The following EIF5B variants were observed in gnomAD, a reference collection of about 807,000 sequenced individuals.
The protein encoded by EIF5B is eukaryotic translation initiation factor 5B.
A neutral mutation model predicts 147.5 loss-of-function variants in EIF5B; 47 were observed. That is an observed-to-expected ratio of 0.32 (90% CI 0.25 to 0.41). The LOEUF (loss-of-function observed/expected upper bound fraction) is 0.41. Among genes scored for constraint, EIF5B ranks in the 10% least tolerant of loss-of-function variants. The pLI is 1.00. For synonymous variants in EIF5B, 455 were observed against 456.2 expected, an observed-to-expected ratio of 1.00 and a Z score of 0.03; for missense variants, 1,064 against 1,413.2, an observed-to-expected ratio of 0.75 and a Z score of 3.96.
At chr2:99,362,750 G>A (rs1226117991) in intron 4 of EIF5B, among the ~76,000 whole-genome samples, 4 of 151,938 alleles carry the variant, frequency 2.6e-5, no homozygotes, top group Admixed American at 2.6e-4. Flanking sequence ...ACTTTTAATG[G>A]GAAAATTGAC....
At chr2:99,338,887 CCTG>C (rs1204680316) in intron 1 of EIF5B, among the ~76,000 whole-genome samples, 1 of 148,902 alleles carries the variant, frequency 6.7e-6, no homozygotes, top group Admixed American at 6.8e-5. Flanking sequence ...TAGCACATGA[CCTG>C]CTTGGTTTCA....
chr2:99,358,234 T>C (rs1674135338), intron 1 of EIF5B, among the ~76,000 whole-genome samples: 1 of 152,072 alleles, frequency 6.6e-6, no homozygotes, highest in African/African-American at 2.4e-5. Flanking sequence ...GCCTGGCTAA[T>C]TTTTTTATAT....
intron 12 of EIF5B, 31 bp downstream of exon 12, chr2:99,379,459 C>G (rs535614578): frequency 5.2e-6 from 8 of 1,533,938 alleles, no homozygotes; most frequent in African/African-American, 1.4e-5. Context: ...GTATTTTAAT[C>G]TCTGACAAAA....
chr2:99,379,150 A>G (rs145805034), intron 11 of EIF5B, 24 bp downstream of exon 11: 21,924 of 1,559,506 alleles, frequency 0.014, 188 homozygotes, highest in Non-Finnish European at 0.016. Flanking sequence ...AAATGTATTG[A>G]TAGAACTTTG....
rs781728919 is a variant in EIF5B, at chr2:99,396,793, C to A, written c.3288C>A (p.Ile1096=). Residue 1096 remains isoleucine (I), a synonymous_variant, in exon 22 of 24, where the codon ATC becomes ATA. Coordinates refer to ENST00000289371, the MANE Select transcript of EIF5B (RefSeq NM_015904.4). The stretch of plus-strand genomic sequence containing the variant: ...CAGTATTTCCCTGCAAGATAAAAAT[C>A]CTCCCTCAGTACATTTTTAATTCTC... ...HIAVFPCKIK[I]LPQYIFNSRD... is the part of the protein sequence containing the mutation. The A allele has an allele frequency of 6.2e-7, 1 of 1,609,890 alleles. No homozygotes were observed. Among genetic ancestry groups the A allele is most frequent in the African/African-American group, 1.3e-5 (1 of 74,676 alleles).
chr2:99,389,250 T>C (rs1674873309), intron 14 of EIF5B, among the ~76,000 whole-genome samples: 1 of 152,226 alleles, frequency 6.6e-6, no homozygotes, highest in Admixed American at 6.5e-5. Flanking sequence ...TGAGGGAAAA[T>C]AGATTCTGTC....
In EIF5B at chr2:99,361,521, A is replaced by G. The variant is rs983627958; in HGVS notation, c.620A>G (p.Lys207Arg). The G allele has an allele frequency of 6.2e-7, 1 of 1,614,088 alleles. No individual in the cohort carries two copies. The highest frequency in any genetic ancestry group is 8.5e-7 in the Non-Finnish European group (1 of 1,180,002). The part of the protein sequence containing the change: ...RKGQKKNQKN[K>R]PGPNIESGNE... ...GGACAGAAAAAAAATCAGAAAAACA[A>G]GCCAGGTCCTAACATAGAAAGTGGG... Residue 207 changes from lysine (K) to arginine (R), a missense_variant, in exon 4 of 24, where the codon AAG becomes AGG. Physicochemically the swap from Lys to Arg is conservative, Grantham distance 26. Transcript: ENST00000289371.
chr2:99,392,942 G>T lies in EIF5B; in HGVS notation c.2749-25G>T, dbSNP rs201872752. 3.5e-5 allele frequency: 49 copies of T among 1,409,500 alleles called. 1 individual carries two copies. In the South Asian group the frequency reaches 8.5e-4, roughly 25 times the overall value. 87.3% of individuals were successfully genotyped at this position (1,409,500 alleles called of 1,614,324 possible). On this transcript the variant is annotated intron_variant, in intron 17 of 23. Coordinates refer to ENST00000289371, the MANE Select transcript of EIF5B (RefSeq NM_015904.4). ...GCTAACCACTTTTAAAGTACATTTG[G>T]TAACAAATGTTTTTATCTCTGTAGA...
Position 99,394,714 on chromosome 2 carries a change from T to C in EIF5B, c.3090-5T>C. The C allele has an allele frequency of 1.2e-6, 2 of 1,611,476 alleles. No homozygotes were observed. The highest frequency in any genetic ancestry group is 2.2e-5 in the South Asian group (2 of 90,372). On this transcript the variant is annotated splice_polypyrimidine_tract_variant and splice_region_variant and intron_variant, in intron 20 of 23. Coordinates refer to ENST00000289371, the MANE Select transcript of EIF5B (RefSeq NM_015904.4). Reference sequence around the variant, plus strand: ...AATGGTCTTTGATGTGTTTTAACCTTTTAGGTATGCAGTAATTTTGGCCTT... The same window carrying C: ...AATGGTCTTTGATGTGTTTTAACCTCTTAGGTATGCAGTAATTTTGGCCTT...
At position 99,361,014 on chromosome 2, in the gene EIF5B, T is replaced by C. The variant is rs568775937; in HGVS notation, c.247-134T>C. ...CTCTCTTGCTTGTTTGAATTTTATA[T>C]TCCTGTGAAAAAGACTTTGAAAAAG... On this transcript the variant is annotated intron_variant, in intron 3 of 23. Transcript: ENST00000289371. The C allele has an allele frequency of 2.9e-4, 280 of 959,808 alleles. 2 individuals carry two copies. The South Asian group carries it at 6.5e-3, about 22-fold the overall frequency. The allele number at this position is 959,808 out of a possible 1,614,324, so 59.5% of individuals were successfully genotyped here.
At chr2:99,361,065 A>T (rs567698573) in intron 3 of EIF5B, 83 bp from the exon 4 acceptor site, 2 of 1,203,664 alleles carry the variant, frequency 1.7e-6, no homozygotes, top group East Asian at 2.7e-5. Context: ...TGAGATTTTT[A>T]AAAAATGTTT....
chr2:99,350,654 T>TTAACCCCTTGTTAGATATA (rs1487762936), intron 1 of EIF5B, among the ~76,000 whole-genome samples: 1 of 152,218 alleles, frequency 6.6e-6, no homozygotes, highest in Non-Finnish European at 1.5e-5. Context: ...ATTCTGGATA[T>TTAACCCCTTGTTAGATATA]TAACCCCTTG....
Position 99,360,227 on chromosome 2 carries a change from T to C in EIF5B, c.36-9T>C. 6.4e-7 allele frequency: 1 copy of C among 1,570,142 alleles called. No individual in the cohort carries two copies. The highest frequency in any genetic ancestry group is 8.6e-7 in the Non-Finnish European group (1 of 1,167,154). On this transcript the variant is annotated splice_polypyrimidine_tract_variant and intron_variant, in intron 1 of 23. Coordinates refer to ENST00000289371, the MANE Select transcript of EIF5B (RefSeq NM_015904.4). ...AGTAGCATTTAGGATGTTTTTGTTT[T>C]CATTTAAGCACCAAGGATGACATTG...
chr2:99,353,808 T>C (rs757088750), intron 1 of EIF5B, among the ~76,000 whole-genome samples: 1 of 152,244 alleles, frequency 6.6e-6, no homozygotes, highest in Non-Finnish European at 1.5e-5. Context: ...GGCTTCTTTC[T>C]ACTCAGCCTA....
At chr2:99,395,644 C>G (rs1675028450) in intron 21 of EIF5B, among the ~76,000 whole-genome samples, 1 of 152,158 alleles carries the variant, frequency 6.6e-6, no homozygotes, top group Non-Finnish European at 1.5e-5. Flanking sequence ...CTGGGACATG[C>G]TCTTATTGCA....
In EIF5B at chr2:99,382,155, C is replaced by G. The variant is rs2122751; in HGVS notation, c.2062-4C>G. 6.2e-7 allele frequency: 1 copy of G among 1,611,142 alleles called. No homozygotes were observed. The highest frequency in any genetic ancestry group is 1.1e-5 in the South Asian group (1 of 90,808). On this transcript the variant is annotated splice_region_variant and splice_polypyrimidine_tract_variant and intron_variant, in intron 12 of 23. Coordinates refer to ENST00000289371, the MANE Select transcript of EIF5B (RefSeq NM_015904.4). ...AACTTTGAACTTTTCCCCATTGTTT[C>G]TAGTTTGATAGAGAGAATGTACGGA...
intron 14 of EIF5B, among the ~76,000 whole-genome samples, chr2:99,386,007 TACTC>T (rs1243252153): frequency 1.3e-5 from 2 of 152,266 alleles, no homozygotes; most frequent in Non-Finnish European, 2.9e-5. Flanking sequence ...CATTTTTTGT[TACTC>T]ATGTTATTAT....
At chr2:99,337,736 C>A in intron 1 of EIF5B, 147 bp downstream of exon 1, 1 of 1,087,580 alleles carries the variant, frequency 9.2e-7, no homozygotes, top group Non-Finnish European at 1.3e-6. Flanking sequence ...GCGGAGCGGG[C>A]CCAAGCCCCC....
chr2:99,385,837 C>T (rs1439848941), intron 14 of EIF5B, among the ~76,000 whole-genome samples: 1 of 152,190 alleles, frequency 6.6e-6, no homozygotes, highest in East Asian at 1.9e-4. Flanking sequence ...AGACCATCTC[C>T]ATATTTCCAG....
Sources: allele counts gnomAD v4.1 joint callset (sites outside exome capture counted in the v4.1 genomes callset), GRCh38; gene constraint gnomAD v4.1.1; transcripts MANE v1.5; gene names NCBI Gene and HGNC (gene_info 2026-07-23, HGNC 2026-07-21).